The following EXT2 variants were observed in gnomAD, a reference collection of about 807,000 sequenced individuals.
The protein encoded by EXT2 is exostosin-2.
In EXT2, 53 loss-of-function variants were observed where a neutral mutation model predicts 81.6. The observed-to-expected ratio is 0.65, with a 90% confidence interval of 0.52 to 0.82. EXT2 has a LOEUF of 0.82. EXT2 is among the 40% of genes least tolerant of loss of function. The pLI, the probability that EXT2 is intolerant of heterozygous loss-of-function variation, is 0.00. For synonymous variants in EXT2, 320 were observed against 340.0 expected, an observed-to-expected ratio of 0.94 and a Z score of 0.65; for missense variants, 774 against 910.2, an observed-to-expected ratio of 0.85 and a Z score of 1.93.
At chr11:44,154,652 A>G (rs542812274) in intron 7 of EXT2, among the ~76,000 whole-genome samples, 2 of 152,182 alleles carry the variant, frequency 1.3e-5, no homozygotes, top group African/African-American at 2.4e-5. Flanking sequence ...TGATATATAT[A>G]CCTAGCATTG....
chr11:44,110,409 G>A (rs996636671), intron 3 of EXT2, among the ~76,000 whole-genome samples: 3 of 152,212 alleles, frequency 2.0e-5, no homozygotes, highest in African/African-American at 7.2e-5. Flanking sequence ...CAGTCCGGGT[G>A]CACAAATGCT....
intron 10 of EXT2, among the ~76,000 whole-genome samples, chr11:44,213,833 C>A (rs771468236): frequency 2.0e-5 from 3 of 152,102 alleles, no homozygotes; most frequent in Non-Finnish European, 4.4e-5. Context: ...TGGCTAAAAA[C>A]GTCCCAAATT....
intron 9 of EXT2, 77 bp downstream of exon 9, chr11:44,198,095 A>C: frequency 1.4e-6 from 2 of 1,478,930 alleles, no homozygotes; most frequent in Non-Finnish European, 1.9e-6. Flanking sequence ...TTTTAAATAA[A>C]TTTTCCTGCT....
At chr11:44,225,591 C>A (rs1955830103) in intron 10 of EXT2, among the ~76,000 whole-genome samples, 1 of 152,192 alleles carries the variant, frequency 6.6e-6, no homozygotes, top group Non-Finnish European at 1.5e-5. Flanking sequence ...AGAACATTGA[C>A]CCTGAATGTC....
intron 9 of EXT2, among the ~76,000 whole-genome samples, chr11:44,200,501 A>G (rs1490693550): frequency 1.3e-5 from 2 of 152,188 alleles, no homozygotes; most frequent in Non-Finnish European, 2.9e-5. Context: ...AACTGACTTT[A>G]GTTTTAAATT....
rs145357728 is a variant in EXT2, at chr11:44,192,963, G to A, written c.1306-4866G>A. Among the ~76,000 whole-genome samples, 10 of 152,248 alleles carry A rather than the reference G, an allele frequency of 6.6e-5. No homozygotes were observed. The East Asian group carries it at 1.7e-3, about 26-fold the overall frequency. ...TACATAAGGGGGACTGATAAAACAGGCCTGAGTCATTTGGCTTTAACTTAC... is the reference window on the plus strand; with the variant it reads ...TACATAAGGGGGACTGATAAAACAGACCTGAGTCATTTGGCTTTAACTTAC... On this transcript the variant is annotated intron_variant, in intron 8 of 13. Transcript: ENST00000533608.
chr11:44,122,528 G>A (rs1469208089), intron 4 of EXT2, among the ~76,000 whole-genome samples: 1 of 152,196 alleles, frequency 6.6e-6, no homozygotes, highest in African/African-American at 2.4e-5. Context: ...GAGGCTCAAG[G>A]CTTGGAGTAG....
intron 12 of EXT2, among the ~76,000 whole-genome samples, chr11:44,235,533 A>T (rs190514946): frequency 2.6e-5 from 4 of 152,070 alleles, no homozygotes; most frequent in African/African-American, 7.2e-5. Flanking sequence ...GGTGTGAGCC[A>T]CTGTGCCTGG....
chr11:44,171,447 T>C (rs1052109961), intron 7 of EXT2, among the ~76,000 whole-genome samples, 164 bp from the exon 8 acceptor site: 1 of 152,254 alleles, frequency 6.6e-6, no homozygotes, highest in African/African-American at 2.4e-5. Flanking sequence ...CAACTTCTGA[T>C]GGCAGCTGGC....
In EXT2 at chr11:44,098,254, G is replaced by A. The variant is rs191896204; in HGVS notation, c.-31+2402G>A. On this transcript the variant is annotated intron_variant, in intron 1 of 13. Transcript: ENST00000533608. Reference sequence around the variant, plus strand: ...GTTTGGAGATACTCCATCTCTCTGTGCTTTGGCATGTGAAAACTGTTTTGG... The same window carrying A: ...GTTTGGAGATACTCCATCTCTCTGTACTTTGGCATGTGAAAACTGTTTTGG... Among the ~76,000 whole-genome samples, 28 of 152,290 alleles carry A rather than the reference G, an allele frequency of 1.8e-4. No individual in the cohort carries two copies. In the East Asian group the frequency reaches 3.7e-3, roughly 20 times the overall value.
At chr11:44,223,647 G>A (rs1955805678) in intron 10 of EXT2, among the ~76,000 whole-genome samples, 4 of 150,790 alleles carry the variant, frequency 2.7e-5, no homozygotes, top group Admixed American at 6.6e-5. Context: ...AGACAGTTGT[G>A]TGTCTTTTTT....
At chr11:44,167,151 T>C (rs78372523) in intron 7 of EXT2, among the ~76,000 whole-genome samples, 2,652 of 152,138 alleles carry the variant, frequency 0.017, 78 homozygotes, top group African/African-American at 0.061. Context: ...GACTTAGAGG[T>C]TGGAGTTAGG....
intron 10 of EXT2, among the ~76,000 whole-genome samples, chr11:44,228,699 C>T (rs901843076): frequency 8.5e-5 from 13 of 152,158 alleles, no homozygotes; most frequent in African/African-American, 3.1e-4. Flanking sequence ...ATTCAGGACA[C>T]CTCTGATGCC....
intron 10 of EXT2, among the ~76,000 whole-genome samples, chr11:44,215,929 T>C (rs1430588843): frequency 6.7e-6 from 1 of 150,048 alleles, no homozygotes; most frequent in East Asian, 2.0e-4. Context: ...GACTGCGGAC[T>C]GCAGTGGCGC....
chr11:44,168,730 C>CT (rs1290676877), intron 7 of EXT2, among the ~76,000 whole-genome samples: 1 of 152,158 alleles, frequency 6.6e-6, no homozygotes, highest in African/African-American at 2.4e-5. Flanking sequence ...CTAGAATTCT[C>CT]TACCTATCAA....
At chr11:44,119,143 T>TCTATATATATATATATAC (rs1954271236) in intron 4 of EXT2, among the ~76,000 whole-genome samples, 1 of 45,104 alleles carries the variant, frequency 2.2e-5, no homozygotes, top group Non-Finnish European at 4.8e-5. Flanking sequence ...TATATATATA[T>TCTATATATATATATATAC]ATATATATAT....
chr11:44,122,672 A>G (rs1954335607), intron 4 of EXT2, among the ~76,000 whole-genome samples: 1 of 152,162 alleles, frequency 6.6e-6, no homozygotes, highest in Admixed American at 6.5e-5. Flanking sequence ...GATCCAAACC[A>G]TCTCCCTGCT....
At chr11:44,130,972 G>A (rs1230968442) in intron 7 of EXT2, among the ~76,000 whole-genome samples, 3 of 152,218 alleles carry the variant, frequency 2.0e-5, no homozygotes, top group Admixed American at 2.0e-4. Context: ...CAGGCCACAG[G>A]CTTCTGTCTG....
chr11:44,223,841 C>T (rs911585800), intron 10 of EXT2, among the ~76,000 whole-genome samples: 5 of 152,022 alleles, frequency 3.3e-5, no homozygotes, highest in African/African-American at 1.2e-4. Context: ...TCAGTAGAGA[C>T]GGGGTTTCAC....
Sources: allele counts gnomAD v4.1 joint callset (sites outside exome capture counted in the v4.1 genomes callset), GRCh38; gene constraint gnomAD v4.1.1; transcripts MANE v1.5; gene names NCBI Gene and HGNC (gene_info 2026-07-23, HGNC 2026-07-21).